Variants in RAB38 observed in about 807,000 individuals in gnomAD.
RAB38 encodes the protein RAB38, member RAS oncogene family.
Under a neutral mutation model 18.4 loss-of-function variants are expected in RAB38, and 15 were observed. The observed-to-expected ratio is 0.82, with a 90% CI of 0.55 to 1.26. The LOEUF is 1.26. Among genes scored for constraint, RAB38 ranks in the 50% most tolerant of loss-of-function variants. The probability of loss-of-function intolerance (pLI) is 0.00; values close to 1 mark genes in which losing one functional copy is unlikely to be tolerated. For synonymous variants in RAB38, 101 were observed against 104.4 expected, an observed-to-expected ratio of 0.97 and a Z score of 0.20; for missense variants, 294 against 267.4, an observed-to-expected ratio of 1.10 and a Z score of -0.69.
At chr11:88,163,549 C>A (rs556316480) in intron 1 of RAB38, among the ~76,000 whole-genome samples, 31 of 152,096 alleles carry the variant, frequency 2.0e-4, no homozygotes, top group Non-Finnish European at 3.7e-4. Context: ...CTCTTAAAGG[C>A]AAATTTTGTC....
chr11:88,047,431 T>C, the RAB38 span, among the ~76,000 whole-genome samples: 2 of 152,216 alleles, frequency 1.3e-5, no homozygotes, highest in South Asian at 4.1e-4. Context: ...TATGCTATAG[T>C]ATCTTCCACA....
chr11:87,842,865 AT>A, the RAB38 span, among the ~76,000 whole-genome samples: 4 of 152,120 alleles, frequency 2.6e-5, no homozygotes, highest in African/African-American at 9.6e-5. Context: ...TTTATAAAAA[AT>A]GTTTGAGAAA....
the RAB38 span, among the ~76,000 whole-genome samples, chr11:88,033,928 C>G: frequency 1.3e-4 from 19 of 151,906 alleles, no homozygotes; most frequent in Non-Finnish European, 2.2e-4. Context: ...AGAGTTTCAA[C>G]GTGTTAGCCA....
chr11:88,135,927 A>C (rs1425220089), intron 2 of RAB38, among the ~76,000 whole-genome samples: 1 of 152,214 alleles, frequency 6.6e-6, no homozygotes, highest in Non-Finnish European at 1.5e-5. Flanking sequence ...TACTTACACT[A>C]GAAAATTCAA....
the RAB38 span, among the ~76,000 whole-genome samples, chr11:87,842,796 A>G: frequency 1.0e-5 from 1 of 98,852 alleles, no homozygotes; most frequent in African/African-American, 4.7e-5. Flanking sequence ...ATGCGCATGC[A>G]CACACACACA....
rs542311325 is a variant in RAB38, at chr11:88,121,227, T to C, written c.484-7087A>G. On this transcript the variant is annotated intron_variant, in intron 2 of 2. Coordinates refer to ENST00000243662, the MANE Select transcript of RAB38 (RefSeq NM_022337.3). ...CCTGTGTCCTTGAAAACAAGGATTATCTTTTATTATATTTGTATTCCTAGA... is the reference window on the plus strand; with the variant it reads ...CCTGTGTCCTTGAAAACAAGGATTACCTTTTATTATATTTGTATTCCTAGA... Among the ~76,000 whole-genome samples the C allele has an allele frequency of 5.9e-5, 9 of 152,336 alleles. No homozygotes were observed. The South Asian group carries it at 1.2e-3, about 21-fold the overall frequency.
chr11:88,101,546 A>G, the RAB38 span, among the ~76,000 whole-genome samples: 1 of 151,972 alleles, frequency 6.6e-6, no homozygotes, highest in Non-Finnish European at 1.5e-5. Context: ...ACATCATGTT[A>G]AATACAATTC....
At chr11:88,065,566 T>C in the RAB38 span, among the ~76,000 whole-genome samples, 1 of 152,208 alleles carries the variant, frequency 6.6e-6, no homozygotes, top group Admixed American at 6.5e-5. Context: ...GAGCATTTCA[T>C]AGTAGGGAAC....
At chr11:88,012,114 T>C in the RAB38 span, among the ~76,000 whole-genome samples, 1 of 152,114 alleles carries the variant, frequency 6.6e-6, no homozygotes, top group Non-Finnish European at 1.5e-5. Flanking sequence ...TCACTTTTGC[T>C]CTCTGGGCCT....
the RAB38 span, among the ~76,000 whole-genome samples, chr11:87,966,700 C>A: frequency 6.6e-6 from 1 of 152,128 alleles, no homozygotes; most frequent in African/African-American, 2.4e-5. Context: ...AACAAAAAAC[C>A]TTTTCTCCAT....
the RAB38 span, among the ~76,000 whole-genome samples, chr11:87,957,123 A>G: frequency 6.6e-6 from 1 of 152,060 alleles, no homozygotes; most frequent in Admixed American, 6.6e-5. Context: ...GGGTGAGGAA[A>G]AATATTTACT....
the RAB38 span, among the ~76,000 whole-genome samples, chr11:88,091,884 G>A: frequency 6.6e-6 from 1 of 152,016 alleles, no homozygotes; most frequent in South Asian, 2.1e-4. Context: ...GGCAACTGTA[G>A]AGGCTCTTGG....
chr11:87,931,333 C>A, the RAB38 span, among the ~76,000 whole-genome samples: 31,198 of 151,840 alleles, frequency 0.21, 3,695 homozygotes, highest in African/African-American at 0.32. Flanking sequence ...TGTTTGAGGC[C>A]CTTTCATCAT....
the RAB38 span, among the ~76,000 whole-genome samples, chr11:88,034,949 A>G: frequency 2.6e-5 from 4 of 152,266 alleles, no homozygotes; most frequent in Non-Finnish European, 5.9e-5. Context: ...CACCAACTTT[A>G]TACTTTCATC....
chr11:87,858,217 G>T, the RAB38 span, among the ~76,000 whole-genome samples: 10 of 152,178 alleles, frequency 6.6e-5, 1 homozygote, highest in South Asian at 2.1e-3. Flanking sequence ...TGTTCCATTG[G>T]TCTATATCTC....
chr11:87,928,127 G>C, the RAB38 span, among the ~76,000 whole-genome samples: 1 of 151,708 alleles, frequency 6.6e-6, no homozygotes, highest in African/African-American at 2.4e-5. Flanking sequence ...AGAAGGAAGA[G>C]AGAGAAACTA....
chr11:87,896,706 C>T, the RAB38 span, among the ~76,000 whole-genome samples: 9 of 151,546 alleles, frequency 5.9e-5, no homozygotes, highest in African/African-American at 1.5e-4. Flanking sequence ...GTTCAGGTCC[C>T]GAATGTGCTT....
the RAB38 span, among the ~76,000 whole-genome samples, chr11:87,869,278 C>T: frequency 2.6e-5 from 4 of 151,178 alleles, no homozygotes; most frequent in Non-Finnish European, 4.4e-5. Context: ...AAGCGTTTAA[C>T]ATCTATCTCA....
chr11:88,120,286 G>C (rs1354696363), intron 2 of RAB38, among the ~76,000 whole-genome samples: 1 of 151,996 alleles, frequency 6.6e-6, no homozygotes, highest in Non-Finnish European at 1.5e-5. Context: ...AGGTCTCAGG[G>C]ATAGTAAGGG....
Sources: allele counts gnomAD v4.1 joint callset (sites outside exome capture counted in the v4.1 genomes callset), GRCh38; gene constraint gnomAD v4.1.1; transcripts MANE v1.5; gene names NCBI Gene and HGNC (gene_info 2026-07-23, HGNC 2026-07-21).